Variants in CTNNA3 observed in about 807,000 individuals in gnomAD.
The protein encoded by CTNNA3 is catenin alpha-3.
A neutral mutation model predicts 95.7 loss-of-function variants in CTNNA3; 76 were observed. The observed-to-expected ratio is 0.79, with a 90% CI of 0.66 to 0.96. The LOEUF (loss-of-function observed/expected upper bound fraction) is 0.96. CTNNA3 is among the 40% of genes least tolerant of loss of function. The pLI, the probability that CTNNA3 is intolerant of heterozygous loss-of-function variation, is 0.00. For synonymous variants in CTNNA3, 431 were observed against 374.4 expected (o/e 1.15, Z -1.74); for missense variants, 1,191 against 1,089.8 (o/e 1.09, Z -1.31).
chr10:67,156,649 AT>A (rs1354818950), intron 7 of CTNNA3, among the ~76,000 whole-genome samples: 1 of 152,088 alleles, frequency 6.6e-6, no homozygotes, highest in Non-Finnish European at 1.5e-5. Context: ...GAAAAAAAAA[AT>A]ACTTGGTAAG....
intron 1 of CTNNA3, among the ~76,000 whole-genome samples, chr10:67,664,136 AT>A (rs1840270188): frequency 6.6e-6 from 1 of 152,252 alleles, no homozygotes; most frequent in Admixed American, 6.5e-5. Flanking sequence ...TAGGACTAGT[AT>A]TCATACATTT....
intron 13 of CTNNA3, among the ~76,000 whole-genome samples, chr10:66,202,713 T>A (rs2087509772): frequency 1.3e-5 from 2 of 152,210 alleles, no homozygotes; most frequent in East Asian, 3.9e-4. Flanking sequence ...GTGCTGTTTG[T>A]CTGGCAATAT....
At chr10:67,691,549 G>T (rs1388766883) in intron 1 of CTNNA3, among the ~76,000 whole-genome samples, 1 of 149,338 alleles carries the variant, frequency 6.7e-6, no homozygotes, top group Admixed American at 6.7e-5. Flanking sequence ...CTGCCGCCCC[G>T]TCCGGGATGT....
chr10:66,502,460 G>T (rs1840309241), intron 11 of CTNNA3, among the ~76,000 whole-genome samples: 1 of 151,838 alleles, frequency 6.6e-6, no homozygotes, highest in South Asian at 2.1e-4. Flanking sequence ...TTTCCCATTG[G>T]ATTTTGCTCT....
intron 7 of CTNNA3, among the ~76,000 whole-genome samples, chr10:66,866,251 G>A (rs529091430): frequency 6.6e-6 from 1 of 152,128 alleles, no homozygotes; most frequent in Non-Finnish European, 1.5e-5. Flanking sequence ...ATACCAAGAG[G>A]ATACTCAGTT....
chr10:66,244,852 T>C (rs2090245755), intron 13 of CTNNA3, among the ~76,000 whole-genome samples: 1 of 152,198 alleles, frequency 6.6e-6, no homozygotes, highest in Non-Finnish European at 1.5e-5. Context: ...TTTACAAGCA[T>C]TGAGACCAGC....
At chr10:67,341,133 T>C (rs1168995879) in intron 5 of CTNNA3, among the ~76,000 whole-genome samples, 1 of 152,200 alleles carries the variant, frequency 6.6e-6, no homozygotes, top group Non-Finnish European at 1.5e-5. Flanking sequence ...GAAAGCATAA[T>C]AATCACATCA....
In CTNNA3 at chr10:66,849,893, C is replaced by A. The variant is rs1237236695; in HGVS notation, c.1048-74369G>T. Among the ~76,000 whole-genome samples the A allele has an allele frequency of 3.7e-5, 5 of 135,886 alleles. No individual in the cohort carries two copies. The East Asian group carries it at 5.9e-4, about 16-fold the overall frequency. The allele number at this position is 135,886 out of a possible 152,430, so 89.1% of individuals were successfully genotyped here. On this transcript the variant is annotated intron_variant, in intron 7 of 17. Coordinates refer to ENST00000433211, the MANE Select transcript of CTNNA3 (RefSeq NM_013266.4). ...ATTTATTGAATGTAGATTTTGAAAT[C>A]TTTTGAAAGCTTAAATTTTTTACTT...
At chr10:66,724,659 T>G (rs966106771) in intron 9 of CTNNA3, among the ~76,000 whole-genome samples, 1 of 152,220 alleles carries the variant, frequency 6.6e-6, no homozygotes, top group African/African-American at 2.4e-5. Flanking sequence ...TATATATGTA[T>G]GTGTTGACAC....
intron 7 of CTNNA3, among the ~76,000 whole-genome samples, chr10:66,900,209 C>G (rs554469401): frequency 3.3e-5 from 5 of 152,304 alleles, no homozygotes; most frequent in Non-Finnish European, 7.4e-5. Context: ...GCAGCCTCCA[C>G]TGGTGAAACC....
At chr10:66,466,245 C>T (rs1838906299) in intron 11 of CTNNA3, among the ~76,000 whole-genome samples, 1 of 151,486 alleles carries the variant, frequency 6.6e-6, no homozygotes, top group Non-Finnish European at 1.5e-5. Flanking sequence ...TCTGGGCTTG[C>T]CAGTCTCCGA....
chr10:67,283,915 A>C (rs1368490973), intron 5 of CTNNA3, among the ~76,000 whole-genome samples: 1 of 152,214 alleles, frequency 6.6e-6, no homozygotes, highest in Admixed American at 6.5e-5. Context: ...CTCAGCCTAA[A>C]AATGGATAAT....
At chr10:66,289,715 A>T (rs770579371) in intron 12 of CTNNA3, among the ~76,000 whole-genome samples, 7 of 152,046 alleles carry the variant, frequency 4.6e-5, no homozygotes, top group Non-Finnish European at 8.8e-5. Flanking sequence ...TTAAAGCTGA[A>T]TTTCCACATG....
At chr10:65,964,828 C>T (rs1198572799) in intron 17 of CTNNA3, among the ~76,000 whole-genome samples, 1 of 151,738 alleles carries the variant, frequency 6.6e-6, no homozygotes, top group Non-Finnish European at 1.5e-5. Flanking sequence ...GTTTAATAAG[C>T]CAAAAGGAAT....
intron 11 of CTNNA3, among the ~76,000 whole-genome samples, chr10:66,500,916 GTC>G (rs1840257861): frequency 6.6e-6 from 1 of 152,052 alleles, no homozygotes; most frequent in African/African-American, 2.4e-5. Context: ...TTTATGAAGT[GTC>G]AAATATATCA....
At chr10:67,746,264 T>G (rs560342938) in intron 1 of CTNNA3, among the ~76,000 whole-genome samples, 16 of 151,958 alleles carry the variant, frequency 1.1e-4, no homozygotes, top group African/African-American at 3.4e-4. Flanking sequence ...CACATGTAAA[T>G]TTATGCATTT....
At chr10:66,343,874 A>C (rs1414676768) in intron 12 of CTNNA3, among the ~76,000 whole-genome samples, 1 of 151,828 alleles carries the variant, frequency 6.6e-6, no homozygotes, top group African/African-American at 2.4e-5. Flanking sequence ...AAATTTAAAA[A>C]GACAAGCCCT....
chr10:67,319,972 A>G lies in CTNNA3; in HGVS notation c.580-100102T>C, dbSNP rs111975677. On this transcript the variant is annotated intron_variant, in intron 5 of 17. Transcript: ENST00000433211. Reference sequence around the variant, plus strand: ...AGTTTCTCTTCCTGAAAATGCTTACATTTATGGAAAAGTAGAAGGAACTGT... The same window carrying G: ...AGTTTCTCTTCCTGAAAATGCTTACGTTTATGGAAAAGTAGAAGGAACTGT... Among the ~76,000 whole-genome samples, 936 of 152,118 alleles carry G rather than the reference A, an allele frequency of 6.2e-3. 4 individuals carry two copies. Among genetic ancestry groups the G allele is most frequent in the Middle Eastern group, 0.024 (7 of 294 alleles).
At position 66,806,756 on chromosome 10, in the gene CTNNA3, A is replaced by ATATGTGTG. The variant is rs1359507202; in HGVS notation, c.1048-31233_1048-31232insCACACATA. On this transcript the variant is annotated intron_variant, in intron 7 of 17. Transcript: ENST00000433211. The stretch of plus-strand genomic sequence containing the variant: ...TATATTTATAGAGAATGTGGCATAT[A>ATATGTGTG]TGTGTGTGTGTGTGTGTGTGTGTGT... Among the ~76,000 whole-genome samples the ATATGTGTG allele has an allele frequency of 1.9e-3, 277 of 145,826 alleles. 1 individual carries two copies. The highest frequency in any genetic ancestry group is 6.8e-3 in the African/African-American group (266 of 39,248).
Sources: gnomAD v4.1 joint callset for allele counts (sites outside exome capture counted in the v4.1 genomes callset) on GRCh38, gnomAD v4.1.1 for gene constraint, MANE v1.5 for transcripts, NCBI Gene and HGNC (gene_info 2026-07-23, HGNC 2026-07-21) for gene names.